Variants in AFF3 observed in about 807,000 individuals in gnomAD.
AFF3 encodes the protein ALF transcription elongation factor 3, also known as AF4/FMR2 family member 3.
Under a neutral mutation model 129.7 loss-of-function variants are expected in AFF3, and 32 were observed. The ratio of observed to expected loss-of-function variants is 0.25; its 90% CI spans 0.19 to 0.33. The LOEUF is 0.33. Among genes scored for constraint, AFF3 ranks in the 10% least tolerant of loss-of-function variants. The probability of loss-of-function intolerance (pLI) is 1.00; values close to 1 mark genes in which losing one functional copy is unlikely to be tolerated. For missense variants in AFF3, 1,373 were observed against 1,592.0 expected, an observed-to-expected ratio of 0.86 and a Z score of 2.34; for synonymous variants, 644 against 635.4, an observed-to-expected ratio of 1.01 and a Z score of -0.20.
chr2:100,095,995 T>C (rs1326873577), intron 4 of AFF3, among the ~76,000 whole-genome samples: 2 of 152,056 alleles, frequency 1.3e-5, no homozygotes, highest in African/African-American at 2.4e-5. Context: ...TGATTTCTCG[T>C]AGGACACTAG....
At chr2:99,631,153 A>G (rs1446169896) in intron 13 of AFF3, 17 of 271,278 alleles carry the variant, frequency 6.3e-5, no homozygotes. Flanking sequence ...TCCCAGGACT[A>G]GCACTCTAGA....
intron 13 of AFF3, among the ~76,000 whole-genome samples, chr2:99,607,764 G>A (rs1027644206): frequency 3.9e-5 from 6 of 152,240 alleles, no homozygotes; most frequent in African/African-American, 1.4e-4. Flanking sequence ...GGGATTGACT[G>A]AATAACAATG....
Position 100,007,379 on chromosome 2 carries a change from T to C in AFF3, c.256A>G (p.Arg86Gly). 4 of 1,614,142 alleles carry C rather than the reference T, an allele frequency of 2.5e-6. No homozygotes were observed. The highest frequency in any genetic ancestry group is 3.4e-6 in the Non-Finnish European group (4 of 1,179,966). The change falls in exon 6 of 25, where the codon AGA becomes GGA. Residue 86 changes from arginine (R) to glycine (G), a missense_variant. This residue lies in a region of AFF3 where 255 missense variants were observed against 256.0 expected (regional missense o/e 1.00). Coordinates refer to ENST00000672756, the MANE Select transcript of AFF3 (RefSeq NM_001386135.1). ...YDEMKDFLTD[R>G]SNQSHLVGVP... ...CCAACGAGATGACTCTGATTGGATC[T>C]ATCAGTTAAAAAGTCTTTCATTTCA...
At chr2:100,129,766 C>T (rs933963405) in intron 1 of AFF3, among the ~76,000 whole-genome samples, 6 of 152,184 alleles carry the variant, frequency 3.9e-5, no homozygotes, top group African/African-American at 7.2e-5. Context: ...AATAAATCCT[C>T]ACAACAACCC....
At chr2:100,062,412 G>GA (rs947457019) in intron 4 of AFF3, among the ~76,000 whole-genome samples, 99 of 150,586 alleles carry the variant, frequency 6.6e-4, no homozygotes, top group Admixed American at 3.5e-3. Flanking sequence ...CAGAGGAAAT[G>GA]AAAAAAAAAT....
intron 7 of AFF3, among the ~76,000 whole-genome samples, chr2:99,946,754 G>C (rs1040107183): frequency 6.6e-6 from 1 of 152,184 alleles, no homozygotes; most frequent in South Asian, 2.1e-4. Context: ...GGAAACAACA[G>C]TACCAAGAGT....
chr2:99,980,144 G>T (rs955150635), intron 7 of AFF3, among the ~76,000 whole-genome samples: 2 of 152,152 alleles, frequency 1.3e-5, no homozygotes, highest in Admixed American at 6.5e-5. Context: ...TGACTTAACA[G>T]AAAATTCTGA....
chr2:99,672,583 C>T lies in AFF3; in HGVS notation c.1098G>A (p.Leu366=), dbSNP rs1345082853. The change falls in exon 12 of 25, where the codon CTG becomes CTA. Residue 366 remains leucine, a synonymous_variant. Transcript: ENST00000672756. ...PDNGTSNTSM[L]EDDLKLSSDE... ...CACTGCTTAGCTTAAGGTCATCTTCCAGCATTCTGAAAGAAGGAACAAAGA... is the reference window on the plus strand; with the variant it reads ...CACTGCTTAGCTTAAGGTCATCTTCTAGCATTCTGAAAGAAGGAACAAAGA... The T allele has an allele frequency of 1.2e-6, 2 of 1,614,100 alleles. No individual in the cohort carries two copies. The highest frequency in any genetic ancestry group is 2.2e-5 in the East Asian group (1 of 44,882).
intron 4 of AFF3, among the ~76,000 whole-genome samples, chr2:100,020,466 C>T (rs779181863): frequency 6.6e-6 from 1 of 152,074 alleles, no homozygotes; most frequent in African/African-American, 2.4e-5. Flanking sequence ...TCTCAGCTAC[C>T]AATTATCCAA....
chr2:99,813,202 G>C (rs1035144277), intron 8 of AFF3, among the ~76,000 whole-genome samples: 1 of 152,172 alleles, frequency 6.6e-6, no homozygotes, highest in African/African-American at 2.4e-5. Flanking sequence ...CGTCGAGCAG[G>C]GGAGGCTGTG....
intron 10 of AFF3, among the ~76,000 whole-genome samples, chr2:99,740,396 C>T (rs1173705472): frequency 6.6e-6 from 1 of 151,402 alleles, no homozygotes; most frequent in Non-Finnish European, 1.5e-5. Flanking sequence ...ACACCGACTT[C>T]CACAATGGTT....
At position 99,648,917 on chromosome 2, in the gene AFF3, A is replaced by ACACACT; in HGVS notation, c.1184+708_1184+709insAGTGTG. 2.0e-3 allele frequency among the ~76,000 whole-genome samples: 92 copies of ACACACT among 46,936 alleles called. 2 individuals carry two copies. Among genetic ancestry groups the ACACACT allele is most frequent in the African/African-American group, 5.7e-3 (88 of 15,552 alleles). 30.8% of individuals were successfully genotyped at this position (46,936 alleles called of 152,430 possible). A position where few individuals can be genotyped will look rare whatever the true frequency, so the allele number is the denominator to read the frequency against. On this transcript the variant is annotated intron_variant, in intron 13 of 24. Coordinates refer to ENST00000672756, the MANE Select transcript of AFF3 (RefSeq NM_001386135.1). ...CACACACACACACACACACACACAC[A>ACACACT]CTCTCTCTCTCTCTCTCTCTCCAAT...
Position 99,594,209 on chromosome 2 carries a change from G to T in AFF3, c.1452C>A (p.Ile484=), listed in dbSNP as rs1558620534. 1.9e-6 allele frequency: 3 copies of T among 1,614,040 alleles called. No individual in the cohort carries two copies. The highest frequency in any genetic ancestry group is 2.5e-6 in the Non-Finnish European group (3 of 1,179,968). Residue 484 remains isoleucine, a synonymous_variant, in exon 15 of 25, where the codon ATC becomes ATA. Transcript: ENST00000672756. The stretch of plus-strand genomic sequence containing the variant: ...TCTCTGACCCGTGGCTTTCATTTTG[G>T]ATCAGAATAGGAGGCTTGTGGGGAT... ...KVNPHKPPIL[I]QNESHGSESN...
chr2:100,084,023 C>T (rs1461940026), intron 4 of AFF3, among the ~76,000 whole-genome samples: 1 of 152,208 alleles, frequency 6.6e-6, no homozygotes, highest in Non-Finnish European at 1.5e-5. Flanking sequence ...ATTAGCTATT[C>T]CACGTGACCA....
intron 4 of AFF3, among the ~76,000 whole-genome samples, chr2:100,027,807 C>T (rs765979430): frequency 6.6e-6 from 1 of 152,058 alleles, no homozygotes; most frequent in Admixed American, 6.6e-5. Flanking sequence ...TAGTATTTAC[C>T]AGTCTTACAT....
At chr2:99,649,121 T>C (rs939005178) in intron 13 of AFF3, among the ~76,000 whole-genome samples, 53 of 152,002 alleles carry the variant, frequency 3.5e-4, no homozygotes, top group African/African-American at 1.3e-3. Flanking sequence ...TCTCATTCAG[T>C]AACACGCGCC....
intron 9 of AFF3, among the ~76,000 whole-genome samples, chr2:99,748,837 C>A (rs1285900750): frequency 3.3e-5 from 5 of 152,134 alleles, no homozygotes; most frequent in Non-Finnish European, 7.4e-5. Context: ...CTTTCTTGAC[C>A]CAAGGATGGC....
At chr2:100,114,336 G>T (rs535381431) in intron 2 of AFF3, among the ~76,000 whole-genome samples, 27 of 152,302 alleles carry the variant, frequency 1.8e-4, no homozygotes, top group African/African-American at 6.5e-4. Context: ...CCTTCTAAGG[G>T]TACGGCCCTG....
intron 4 of AFF3, among the ~76,000 whole-genome samples, chr2:100,067,460 C>G (rs985546688): frequency 5.3e-5 from 8 of 152,128 alleles, no homozygotes; most frequent in African/African-American, 7.2e-5. Flanking sequence ...TCTGAGTGAT[C>G]AGTCTGTTCC....
Sources: gnomAD v4.1 joint callset for allele counts (sites outside exome capture counted in the v4.1 genomes callset) on GRCh38, gnomAD v4.1.1 for gene constraint, gnomAD v4.1.1 regional missense constraint, MANE v1.5 for transcripts, NCBI Gene and HGNC (gene_info 2026-07-23, HGNC 2026-07-21) for gene names.